Variants in DNAJC3 observed in about 807,000 individuals in gnomAD.
DNAJC3 encodes DnaJ heat shock protein family (Hsp40) member C3.
In DNAJC3, 38 loss-of-function variants were observed where a neutral mutation model predicts 68.6. The ratio of observed to expected loss-of-function variants is 0.55; its 90% CI spans 0.43 to 0.73. The LOEUF (loss-of-function observed/expected upper bound fraction) is 0.73. DNAJC3 is among the 30% of genes least tolerant of loss of function. The pLI, the probability that DNAJC3 is intolerant of heterozygous loss-of-function variation, is 0.00. For synonymous variants in DNAJC3, 203 were observed against 204.0 expected (o/e 1.00, Z 0.04); for missense variants, 526 against 591.9 (o/e 0.89, Z 1.16).
At chr13:95,698,366 C>G (rs532182407) in intron 1 of DNAJC3, among the ~76,000 whole-genome samples, 2 of 152,154 alleles carry the variant, frequency 1.3e-5, no homozygotes, top group African/African-American at 4.8e-5. Flanking sequence ...TTCCCCCATC[C>G]CCTGAGCTTC....
chr13:95,721,191 G>A (rs984320800), intron 2 of DNAJC3, among the ~76,000 whole-genome samples: 4 of 152,116 alleles, frequency 2.6e-5, no homozygotes, highest in Non-Finnish European at 5.9e-5. Context: ...ATTTCACTTA[G>A]CATAATGTTT....
chr13:95,715,759 T>C (rs1881122668), intron 2 of DNAJC3, among the ~76,000 whole-genome samples: 1 of 151,864 alleles, frequency 6.6e-6, no homozygotes, highest in East Asian at 2.0e-4. Flanking sequence ...AATGTTGGGA[T>C]TACAGGCATG....
intron 4 of DNAJC3, 27 bp downstream of exon 4, chr13:95,725,279 G>A (rs1421719902): frequency 1.3e-6 from 2 of 1,518,076 alleles, no homozygotes; most frequent in Non-Finnish European, 1.8e-6. Flanking sequence ...TTTGACTCTA[G>A]GAAGATGTTA....
chr13:95,707,723 A>G (rs770070188), intron 1 of DNAJC3, among the ~76,000 whole-genome samples: 1 of 152,216 alleles, frequency 6.6e-6, no homozygotes, highest in Non-Finnish European at 1.5e-5. Context: ...TAGGAGAGTA[A>G]CTAAAGATGT....
chr13:95,697,051 G>C (rs1880461181), intron 1 of DNAJC3, among the ~76,000 whole-genome samples: 1 of 152,194 alleles, frequency 6.6e-6, no homozygotes, highest in Admixed American at 6.5e-5. Context: ...GTGAAAGTTT[G>C]TTCCTGTTAT....
At chr13:95,764,708 AT>A in intron 9 of DNAJC3, among the ~76,000 whole-genome samples, 1 of 134,288 alleles carries the variant, frequency 7.4e-6, no homozygotes, top group African/African-American at 3.0e-5. Context: ...ATATATATAC[AT>A]ATATATATAC....
intron 2 of DNAJC3, among the ~76,000 whole-genome samples, chr13:95,712,077 G>C (rs1880989047): frequency 1.3e-5 from 2 of 152,292 alleles, no homozygotes; most frequent in South Asian, 4.1e-4. Context: ...GCATTCAAAA[G>C]TCAGTATTAG....
Position 95,736,140 on chromosome 13 carries a change from G to A in DNAJC3, c.393+10888G>A, listed in dbSNP as rs964505606. ...AAAGATCAGATAGTTGTAGATATGC[G>A]GCGTTATTTCTGAGGGCTCTGTTCT... On this transcript the variant is annotated intron_variant, in intron 4 of 11. Transcript: ENST00000602402. 5.7e-4 allele frequency among the ~76,000 whole-genome samples: 86 copies of A among 152,104 alleles called. 1 individual carries two copies. Among genetic ancestry groups the A allele is most frequent in the African/African-American group, 1.6e-3 (65 of 41,488 alleles).
Position 95,792,944 on chromosome 13 carries a change from T to G in DNAJC3, c.*1914T>G, listed in dbSNP as rs552440667. ...GAAAAAAAAGGAAATATCAAATCAC[T>G]TGCCTTTCCACTTGGAGAGCACGAC... On this transcript the variant is annotated 3_prime_UTR_variant, in exon 12 of 12. Coordinates refer to ENST00000602402, the MANE Select transcript of DNAJC3 (RefSeq NM_006260.5). 2 of 152,276 alleles carry G rather than the reference T, an allele frequency of 1.3e-5. No homozygotes were observed. The highest frequency in any genetic ancestry group is 2.1e-4 in the South Asian group (1 of 4,824). 9.4% of individuals were successfully genotyped at this position (152,276 alleles called of 1,614,324 possible).
At chr13:95,725,946 T>C (rs1293769159) in intron 4 of DNAJC3, among the ~76,000 whole-genome samples, 2 of 151,480 alleles carry the variant, frequency 1.3e-5, no homozygotes, top group African/African-American at 2.4e-5. Flanking sequence ...GTCCTTGCGA[T>C]AGTTTGCTGA....
chr13:95,740,272 G>T (rs1484082600), intron 4 of DNAJC3, among the ~76,000 whole-genome samples: 1 of 152,232 alleles, frequency 6.6e-6, no homozygotes, highest in African/African-American at 2.4e-5. Context: ...TTGTTTGTCT[G>T]TGCCCTGCTC....
chr13:95,756,412 C>T (rs1055943863), intron 4 of DNAJC3, among the ~76,000 whole-genome samples: 1 of 152,168 alleles, frequency 6.6e-6, no homozygotes, highest in African/African-American at 2.4e-5. Context: ...ACTTCAAGTC[C>T]TGTTCTTCAC....
Position 95,760,898 on chromosome 13 carries a change from G to A in DNAJC3, c.848+100G>A, listed in dbSNP as rs892353206. 32 of 1,473,670 alleles carry A rather than the reference G, an allele frequency of 2.2e-5. No homozygotes were observed. In the South Asian group the frequency reaches 3.2e-4, roughly 15 times the overall value. The allele number at this position is 1,473,670 out of a possible 1,614,324, so 91.3% of individuals were successfully genotyped here. A position where few individuals can be genotyped will look rare whatever the true frequency, so the allele number is the denominator to read the frequency against. On this transcript the variant is annotated intron_variant, in intron 7 of 11. Transcript: ENST00000602402. ...TGCTCTTTTACTTCTCAGCCATTGA[G>A]GGTGGGGTATTCTAGATAGCCCTGG... is the stretch of plus-strand genomic sequence containing the variant.
At chr13:95,719,667 G>A (rs1381311846) in intron 2 of DNAJC3, among the ~76,000 whole-genome samples, 1 of 152,182 alleles carries the variant, frequency 6.6e-6, no homozygotes, top group Non-Finnish European at 1.5e-5. Flanking sequence ...ATATCTTATA[G>A]TACAACAGAT....
At chr13:95,677,612 G>A (rs576908787) in intron 1 of DNAJC3, among the ~76,000 whole-genome samples, 1 of 152,384 alleles carries the variant, frequency 6.6e-6, no homozygotes, top group East Asian at 1.9e-4. Flanking sequence ...GGGGCACCGG[G>A]CTACGACTTC....
Position 95,786,057 on chromosome 13 carries a change from C to T in DNAJC3, c.1194C>T (p.Ile398=), listed in dbSNP as rs747217810. The change falls in exon 10 of 12, where the codon ATC becomes ATT. Residue 398 remains isoleucine, a synonymous_variant. Coordinates refer to ENST00000602402, the MANE Select transcript of DNAJC3 (RefSeq NM_006260.5). ...CGCAGAAACGAGATTATTATAAAATCTTGGGAGTAAAAAGGTGAATTATTA... is the reference window on the plus strand; with the variant it reads ...CGCAGAAACGAGATTATTATAAAATTTTGGGAGTAAAAAGGTGAATTATTA... ...KQSQKRDYYK[I]LGVKRNAKKQ... is the part of the protein sequence containing the mutation. The T allele has an allele frequency of 7.1e-5, 114 of 1,603,922 alleles. No individual in the cohort carries two copies. Among genetic ancestry groups the T allele is most frequent in the Middle Eastern group, 1.7e-4 (1 of 6,024 alleles).
At chr13:95,720,297 A>G (rs1012558141) in intron 2 of DNAJC3, among the ~76,000 whole-genome samples, 1 of 152,216 alleles carries the variant, frequency 6.6e-6, no homozygotes, top group Non-Finnish European at 1.5e-5. Flanking sequence ...TATTTCCAGT[A>G]TTATTCTTTG....
intron 4 of DNAJC3, among the ~76,000 whole-genome samples, chr13:95,739,158 C>G (rs925681667): frequency 3.9e-5 from 6 of 152,208 alleles, no homozygotes; most frequent in South Asian, 2.1e-4. Context: ...GGCCCCCACT[C>G]TCTTCTGGCT....
intron 1 of DNAJC3, among the ~76,000 whole-genome samples, chr13:95,705,387 G>A (rs1462575013): frequency 1.3e-5 from 2 of 151,994 alleles, no homozygotes; most frequent in South Asian, 2.1e-4. Flanking sequence ...CCCATCATCC[G>A]CACTGAATTC....
Sources: gnomAD v4.1 joint callset for allele counts (sites outside exome capture counted in the v4.1 genomes callset) on GRCh38, gnomAD v4.1.1 for gene constraint, MANE v1.5 for transcripts, NCBI Gene and HGNC (gene_info 2026-07-23, HGNC 2026-07-21) for gene names.